Variants in TUBGCP3 observed in about 807,000 individuals in gnomAD.
TUBGCP3 encodes gamma-tubulin complex component 3.
A neutral mutation model predicts 123.1 loss-of-function variants in TUBGCP3; 50 were observed. The observed-to-expected ratio is 0.41, with a 90% CI of 0.32 to 0.51. TUBGCP3 has a LOEUF of 0.51. Among genes scored for constraint, TUBGCP3 ranks in the 20% least tolerant of loss-of-function variants. TUBGCP3 has a pLI of 0.36. For missense variants in TUBGCP3, 882 were observed against 1,127.0 expected, an observed-to-expected ratio of 0.78 and a Z score of 3.11; for synonymous variants, 405 against 413.9, an observed-to-expected ratio of 0.98 and a Z score of 0.26.
intron 1 of TUBGCP3, among the ~76,000 whole-genome samples, chr13:112,586,154 G>A (rs998534178): frequency 2.6e-5 from 4 of 151,692 alleles, no homozygotes; most frequent in Admixed American, 6.6e-5. Flanking sequence ...CAGGAGAATG[G>A]CATGAACCCG....
chr13:112,584,815 G>A (rs1317608272), intron 1 of TUBGCP3, among the ~76,000 whole-genome samples: 2 of 152,202 alleles, frequency 1.3e-5, no homozygotes, highest in Non-Finnish European at 2.9e-5. Flanking sequence ...CAAGCACACT[G>A]TTTCCAATGA....
chr13:112,535,371 T>C (rs1475340894), intron 11 of TUBGCP3, among the ~76,000 whole-genome samples: 1 of 152,204 alleles, frequency 6.6e-6, no homozygotes, highest in African/African-American at 2.4e-5. Context: ...GTCAAACTGC[T>C]TTCCAGAGGG....
intron 5 of TUBGCP3, 143 bp downstream of exon 5, chr13:112,558,053 C>T: frequency 3.6e-6 from 3 of 834,470 alleles, no homozygotes; most frequent in East Asian, 5.4e-5. Flanking sequence ...AGATGGAGTG[C>T]ATCGGACACA....
intron 19 of TUBGCP3, among the ~76,000 whole-genome samples, chr13:112,500,398 A>C (rs1413841638): frequency 1.3e-5 from 2 of 152,222 alleles, no homozygotes; most frequent in Admixed American, 6.5e-5. Flanking sequence ...TTGTGCTTAG[A>C]GTCAGCCTAG....
intron 4 of TUBGCP3, 65 bp downstream of exon 4, chr13:112,559,257 G>A (rs1880302664): frequency 9.4e-6 from 13 of 1,379,308 alleles, no homozygotes; most frequent in Admixed American, 2.1e-5. Context: ...TGCAGAAGCC[G>A]TTTCCTATCA....
At position 112,511,469 on chromosome 13, in the gene TUBGCP3, A is replaced by G. The variant is rs1202694151; in HGVS notation, c.2086+4971T>C. Among the ~76,000 whole-genome samples the G allele has an allele frequency of 6.6e-6, 1 of 152,116 alleles. No homozygotes were observed. The highest frequency in any genetic ancestry group is 1.5e-5 in the Non-Finnish European group (1 of 68,020). On this transcript the variant is annotated intron_variant, in intron 17 of 21. Coordinates refer to ENST00000261965, the MANE Select transcript of TUBGCP3 (RefSeq NM_006322.6). The surrounding 1 kb of genome is among the most constrained non-coding windows in gnomAD (Gnocchi z 4.1). ...TGGATCCAGGGTGTAATCTTTTTGA[A>G]GGCAATGAACCGCAGCTGGGCCGGT...
intron 11 of TUBGCP3, among the ~76,000 whole-genome samples, chr13:112,533,288 G>A (rs1292065541): frequency 6.6e-6 from 1 of 152,230 alleles, no homozygotes; most frequent in African/African-American, 2.4e-5. Context: ...CTCCCAGGCA[G>A]GAGGAACTGG....
At chr13:112,572,380 G>A (rs1441172142) in intron 1 of TUBGCP3, among the ~76,000 whole-genome samples, 1 of 152,098 alleles carries the variant, frequency 6.6e-6, no homozygotes, top group African/African-American at 2.4e-5. Context: ...GTGCTGGTTT[G>A]CGGCACCTAA....
chr13:112,532,985 A>T (rs1226436771), intron 11 of TUBGCP3, among the ~76,000 whole-genome samples: 2 of 152,184 alleles, frequency 1.3e-5, no homozygotes, highest in African/African-American at 4.8e-5. Flanking sequence ...TGTCATCTGG[A>T]AGTTTTTCTG....
the TUBGCP3 span, among the ~76,000 whole-genome samples, chr13:112,602,139 A>G: frequency 6.6e-6 from 1 of 152,192 alleles, no homozygotes; most frequent in Non-Finnish European, 1.5e-5. Flanking sequence ...CGAGCCCCCC[A>G]GGCTGTTGCT....
chr13:112,543,007 G>A (rs1878652849), intron 11 of TUBGCP3, among the ~76,000 whole-genome samples: 1 of 152,064 alleles, frequency 6.6e-6, no homozygotes, highest in African/African-American at 2.4e-5. Flanking sequence ...AAACTTAGCT[G>A]GGCGTAGCAG....
chr13:112,560,839 G>C (rs1391444223), intron 3 of TUBGCP3, among the ~76,000 whole-genome samples: 1 of 152,210 alleles, frequency 6.6e-6, no homozygotes, highest in Non-Finnish European at 1.5e-5. Flanking sequence ...AGCCCTGATG[G>C]AGTGTGTCTC....
chr13:112,533,307 G>C (rs72656165), intron 11 of TUBGCP3, among the ~76,000 whole-genome samples: 4,090 of 152,308 alleles, frequency 0.027, 82 homozygotes, highest in Non-Finnish European at 0.045. Flanking sequence ...GGAGGTCAAG[G>C]TGAATTCAGG....
intron 11 of TUBGCP3, among the ~76,000 whole-genome samples, chr13:112,527,967 C>T (rs578262015): frequency 6.6e-6 from 1 of 152,358 alleles, no homozygotes; most frequent in East Asian, 1.9e-4. Context: ...TATGGGCAGA[C>T]CTTGCTGTAC....
the TUBGCP3 span, among the ~76,000 whole-genome samples, chr13:112,599,876 T>C: frequency 1.3e-5 from 2 of 152,094 alleles, no homozygotes; most frequent in African/African-American, 4.8e-5. Flanking sequence ...CATTTTAGAT[T>C]TACAGAAAAA....
intron 10 of TUBGCP3, 63 bp downstream of exon 10, chr13:112,547,557 G>A: frequency 1.5e-6 from 2 of 1,337,604 alleles, no homozygotes; most frequent in South Asian, 1.7e-5. Context: ...TCGCGCGTGG[G>A]AAAGTCGCGC....
At chr13:112,555,380 C>T (rs966474747) in intron 6 of TUBGCP3, among the ~76,000 whole-genome samples, 6 of 152,204 alleles carry the variant, frequency 3.9e-5, no homozygotes, top group Middle Eastern at 3.2e-3. Context: ...TTGCATTCTA[C>T]GCAAGGACAG....
chr13:112,541,541 CAAA>C (rs57599177), intron 11 of TUBGCP3, among the ~76,000 whole-genome samples: 4 of 102,780 alleles, frequency 3.9e-5, no homozygotes, highest in Non-Finnish European at 6.5e-5. Flanking sequence ...GACTCCGTCT[CAAA>C]AAAAAAAAAA....
chr13:112,542,465 T>C (rs1475888730), intron 11 of TUBGCP3, among the ~76,000 whole-genome samples: 3 of 152,224 alleles, frequency 2.0e-5, no homozygotes, highest in Non-Finnish European at 4.4e-5. Context: ...AGATAAAAAC[T>C]AAATAGTACA....
Sources: allele counts gnomAD v4.1 joint callset (sites outside exome capture counted in the v4.1 genomes callset), GRCh38; gene constraint gnomAD v4.1.1; non-coding constraint Gnocchi (gnomAD v3.1); transcripts MANE v1.5; gene names NCBI Gene and HGNC (gene_info 2026-07-23, HGNC 2026-07-21).